Variants in FAM107B observed in about 807,000 individuals in gnomAD.
FAM107B encodes protein FAM107B.
A neutral mutation model predicts 31.5 loss-of-function variants in FAM107B; 21 were observed. The observed-to-expected ratio is 0.67, with a 90% confidence interval of 0.47 to 0.96. The LOEUF (loss-of-function observed/expected upper bound fraction) is 0.96. FAM107B is among the 40% of genes least tolerant of loss of function. The pLI is 0.00. For synonymous variants in FAM107B, 157 were observed against 141.5 expected, an observed-to-expected ratio of 1.11 and a Z score of -0.78; for missense variants, 452 against 377.1, an observed-to-expected ratio of 1.20 and a Z score of -1.64.
intron 2 of FAM107B, among the ~76,000 whole-genome samples, chr10:14,619,821 G>T (rs935361134): frequency 1.3e-5 from 2 of 149,794 alleles, no homozygotes; most frequent in Non-Finnish European, 3.0e-5. Context: ...GGTCTATGAC[G>T]TATTTCAAAT....
intron 2 of FAM107B, among the ~76,000 whole-genome samples, chr10:14,614,566 G>A (rs986665041): frequency 5.3e-5 from 8 of 151,542 alleles, no homozygotes; most frequent in South Asian, 2.1e-4. Context: ...CCAGCTACTC[G>A]GGAGACTGAG....
intron 1 of FAM107B, among the ~76,000 whole-genome samples, chr10:14,671,941 G>C (rs962409470): frequency 2.0e-5 from 3 of 149,546 alleles, no homozygotes; most frequent in Non-Finnish European, 4.4e-5. Flanking sequence ...ATTCCTATCA[G>C]GTTTTCTGTC....
intron 2 of FAM107B, among the ~76,000 whole-genome samples, chr10:14,552,253 T>A (rs957366515): frequency 2.0e-5 from 3 of 152,190 alleles, no homozygotes; most frequent in African/African-American, 7.2e-5. Flanking sequence ...GCCACTGTGA[T>A]GACCAAAGTC....
intron 1 of FAM107B, among the ~76,000 whole-genome samples, chr10:14,750,518 G>A (rs11259305): frequency 0.061 from 9,320 of 152,098 alleles, 770 homozygotes; most frequent in African/African-American, 0.18. Flanking sequence ...AGCCTGAGGC[G>A]GGAGAATCGC....
chr10:14,593,929 A>G (rs1022606268), intron 2 of FAM107B, among the ~76,000 whole-genome samples: 11 of 152,256 alleles, frequency 7.2e-5, no homozygotes, highest in Admixed American at 1.3e-4. Context: ...TGTATTATAC[A>G]TAATACAATT....
intron 1 of FAM107B, among the ~76,000 whole-genome samples, chr10:14,741,869 C>T (rs984113416): frequency 6.6e-6 from 1 of 151,704 alleles, no homozygotes; most frequent in Non-Finnish European, 1.5e-5. Context: ...CCACACCAGG[C>T]TAATTTTTTT....
At chr10:14,548,514 T>A (rs1848929952) in intron 2 of FAM107B, 1 of 985,332 alleles carries the variant, frequency 1.0e-6, no homozygotes. Context: ...CCAGGGCTGC[T>A]TCATCGCTTG....
chr10:14,677,557 C>G (rs899596679), intron 1 of FAM107B, among the ~76,000 whole-genome samples: 3 of 152,032 alleles, frequency 2.0e-5, no homozygotes, highest in Admixed American at 6.5e-5. Context: ...GGAGGCGGAG[C>G]TTGCAGTGAG....
intron 2 of FAM107B, among the ~76,000 whole-genome samples, chr10:14,620,194 T>C (rs1433549815): frequency 6.6e-6 from 1 of 152,102 alleles, no homozygotes; most frequent in South Asian, 2.1e-4. Flanking sequence ...AATTTTTGTA[T>C]TTTTAGTAGA....
intron 1 of FAM107B, among the ~76,000 whole-genome samples, chr10:14,760,577 A>C (rs1833023164): frequency 6.7e-6 from 1 of 149,590 alleles, no homozygotes; most frequent in African/African-American, 2.6e-5. Flanking sequence ...TATATTAAGC[A>C]TATTGCCAAG....
At chr10:14,587,373 G>T (rs1851878992) in intron 2 of FAM107B, among the ~76,000 whole-genome samples, 2 of 152,240 alleles carry the variant, frequency 1.3e-5, no homozygotes, top group African/African-American at 4.8e-5. Flanking sequence ...TATTTAGAAA[G>T]AACTCCCATA....
rs199499275 is a variant in FAM107B at position 14,607,202 on chromosome 10, T to C, written c.469+60432A>G. Among the ~76,000 whole-genome samples, 47 of 152,358 alleles carry C rather than the reference T, an allele frequency of 3.1e-4. 1 individual carries two copies. In the East Asian group the frequency reaches 8.9e-3, roughly 29 times the overall value. The stretch of plus-strand genomic sequence containing the variant: ...GCCTACAGGCTCAAAGTCACGATGC[T>C]ACCTTTTGCACCAGGTACCATAATT... On this transcript the variant is annotated intron_variant, in intron 2 of 4. Transcript: ENST00000181796.
chr10:14,765,554 G>C (rs1833145193), intron 1 of FAM107B, among the ~76,000 whole-genome samples: 1 of 152,156 alleles, frequency 6.6e-6, no homozygotes, highest in Non-Finnish European at 1.5e-5. Context: ...GAAGTGATCA[G>C]GGCTGAAATG....
At chr10:14,713,189 T>C (rs533638396) in intron 1 of FAM107B, among the ~76,000 whole-genome samples, 2 of 152,272 alleles carry the variant, frequency 1.3e-5, no homozygotes, top group African/African-American at 4.8e-5. Context: ...CCCTCAACAA[T>C]GGACAATATG....
At chr10:14,588,870 G>A (rs557314061) in intron 2 of FAM107B, among the ~76,000 whole-genome samples, 3 of 152,238 alleles carry the variant, frequency 2.0e-5, no homozygotes, top group African/African-American at 7.2e-5. Context: ...CCTTCATGAT[G>A]TTTCCAAGAA....
Position 14,774,410 on chromosome 10 carries a change from C to G in FAM107B, c.254G>C (p.Arg85Thr), listed in dbSNP as rs1588773370. Residue 85 changes from arginine (R) to threonine (T), a missense_variant, in exon 1 of 5, where the codon AGA becomes ACA. Transcript: ENST00000181796. ...TGAATTCCGATTCGCACTGCCATTT[C>G]TCTCTGCATGGGTGCTCGAATCTTG... Reference protein sequence around the residue: ...KRQDSSTHAERNGSANRNSSH... With the variant: ...KRQDSSTHAETNGSANRNSSH... The G allele has an allele frequency of 6.2e-7, 1 of 1,614,258 alleles. No individual in the cohort carries two copies. The highest frequency in any genetic ancestry group is 8.5e-7 in the Non-Finnish European group (1 of 1,180,052).
chr10:14,739,735 G>A (rs1479411670), intron 1 of FAM107B, among the ~76,000 whole-genome samples: 1 of 152,174 alleles, frequency 6.6e-6, no homozygotes, highest in Admixed American at 6.5e-5. Context: ...CTAGAAAGAG[G>A]TATTCTCTTT....
chr10:14,688,933 T>A (rs1855057235), intron 1 of FAM107B, among the ~76,000 whole-genome samples: 1 of 152,248 alleles, frequency 6.6e-6, no homozygotes, highest in Non-Finnish European at 1.5e-5. Flanking sequence ...GGGTCGATTC[T>A]GGGCTAGAAA....
chr10:14,733,982 G>A (rs958349865), intron 1 of FAM107B, among the ~76,000 whole-genome samples: 15 of 152,118 alleles, frequency 9.9e-5, no homozygotes, highest in African/African-American at 3.4e-4. Context: ...AACAGGTACC[G>A]AAGCAACGTG....
Sources: allele counts gnomAD v4.1 joint callset (sites outside exome capture counted in the v4.1 genomes callset), GRCh38; gene constraint gnomAD v4.1.1; transcripts MANE v1.5; gene names NCBI Gene and HGNC (gene_info 2026-07-23, HGNC 2026-07-21).